Variants in UBR3 observed in about 807,000 individuals in gnomAD.
The protein encoded by UBR3 is E3 ubiquitin-protein ligase UBR3.
In UBR3, 85 loss-of-function variants were observed where a neutral mutation model predicts 243.2. That is an observed-to-expected ratio of 0.35 (90% CI 0.29 to 0.42). UBR3 has a LOEUF of 0.42. UBR3 is among the 10% of genes least tolerant of loss of function. The pLI is 1.00. For missense variants in UBR3, 1,686 were observed against 2,300.8 expected (o/e 0.73, Z 5.47); for synonymous variants, 748 against 799.8 (o/e 0.94, Z 1.09).
intron 23 of UBR3, among the ~76,000 whole-genome samples, chr2:169,951,689 G>T (rs1186406284): frequency 6.6e-6 from 1 of 151,940 alleles, no homozygotes; most frequent in Non-Finnish European, 1.5e-5. Context: ...TTACATGAGG[G>T]TAGATTAGAG....
rs1473625291 is a variant in UBR3, at chr2:170,029,442, A to C, written c.4550A>C (p.Asn1517Thr). 1 of 1,606,378 alleles carries C rather than the reference A, an allele frequency of 6.2e-7. No individual in the cohort carries two copies. Among genetic ancestry groups the C allele is most frequent in the Non-Finnish European group, 8.5e-7 (1 of 1,175,858 alleles). The change falls in exon 31 of 39, where the codon AAT (asparagine) becomes ACT (threonine). Residue 1517 changes from asparagine (N) to threonine (T), a missense_variant. This residue lies in a region of UBR3 where 371 missense variants were observed against 422.5 expected (regional missense o/e 0.88). Coordinates refer to ENST00000272793, the MANE Select transcript of UBR3 (RefSeq NM_172070.4). ...WRKLTQLEEM[N>T]PQLGYEEQQP... ...AAGCTCACCCAGTTAGAAGAGATGA[A>C]TCCACAGTAAGTATAATTGAAAGAC... is the stretch of plus-strand genomic sequence containing the variant.
chr2:169,989,170 G>C (rs1395783420), intron 25 of UBR3, among the ~76,000 whole-genome samples: 1 of 152,096 alleles, frequency 6.6e-6, no homozygotes, highest in East Asian at 1.9e-4. Context: ...AAAAAATTCA[G>C]TGTTTCTGTT....
chr2:170,027,513 A>G (rs1473356872), intron 30 of UBR3, among the ~76,000 whole-genome samples: 3 of 151,734 alleles, frequency 2.0e-5, no homozygotes, highest in Admixed American at 6.6e-5. Flanking sequence ...TGTGGTTTCA[A>G]TGCAAAACAG....
chr2:169,991,244 C>T (rs73017673), intron 25 of UBR3, among the ~76,000 whole-genome samples: 14,789 of 152,084 alleles, frequency 0.097, 858 homozygotes, highest in African/African-American at 0.16. Flanking sequence ...ATAGATACTT[C>T]TAAAATAATA....
intron 35 of UBR3, among the ~76,000 whole-genome samples, chr2:170,069,249 C>T (rs975097449): frequency 1.3e-5 from 2 of 152,028 alleles, no homozygotes; most frequent in Non-Finnish European, 2.9e-5. Context: ...AAGGATAGTA[C>T]ACTATAACCA....
chr2:169,833,735 T>C (rs2082005463), intron 1 of UBR3, among the ~76,000 whole-genome samples: 1 of 152,182 alleles, frequency 6.6e-6, no homozygotes, highest in Admixed American at 6.6e-5. Flanking sequence ...CTTTTAAGGT[T>C]ACTTATGTGT....
At chr2:169,829,814 T>TACACACACACACACACAC (rs10530118) in intron 1 of UBR3, among the ~76,000 whole-genome samples, 1 of 149,116 alleles carries the variant, frequency 6.7e-6, no homozygotes, top group Admixed American at 6.7e-5. Context: ...AGCTAAAAAG[T>TACACACACACACACACAC]ACACACACAC....
At chr2:170,037,419 G>T (rs2090861375) in intron 31 of UBR3, among the ~76,000 whole-genome samples, 1 of 151,556 alleles carries the variant, frequency 6.6e-6, no homozygotes, top group Non-Finnish European at 1.5e-5. Flanking sequence ...ACAGAGTCTT[G>T]CTCTGTTACC....
intron 24 of UBR3, among the ~76,000 whole-genome samples, chr2:169,958,949 A>C (rs1401487776): frequency 6.6e-6 from 1 of 152,142 alleles, no homozygotes; most frequent in Non-Finnish European, 1.5e-5. Context: ...ATTTCCATTA[A>C]GATTAGCATT....
intron 24 of UBR3, among the ~76,000 whole-genome samples, chr2:169,972,060 G>A (rs1053535157): frequency 1.6e-4 from 25 of 152,042 alleles, no homozygotes; most frequent in African/African-American, 4.8e-4. Context: ...TCAAATAGAC[G>A]CAGTAAAAAA....
chr2:169,827,864 C>T lies in UBR3; in HGVS notation c.357C>T (p.Leu119=). The change falls in exon 1 of 39, where the codon CTC becomes CTT. Residue 119 remains leucine (L), a synonymous_variant. Transcript: ENST00000272793. ...TGCGGGCCTACGATCCCGCGGCGCTCTGCGGCCTGGTCTGGACAGCCAACT... is the reference window on the plus strand; with the variant it reads ...TGCGGGCCTACGATCCCGCGGCGCTTTGCGGCCTGGTCTGGACAGCCAACT... ...AAVRAYDPAA[L]CGLVWTANFV... is the part of the protein sequence containing the mutation. The T allele has an allele frequency of 6.6e-7, 1 of 1,506,174 alleles. No individual in the cohort carries two copies. Among genetic ancestry groups the T allele is most frequent in the Non-Finnish European group, 8.8e-7 (1 of 1,132,106 alleles). 93.3% of individuals were successfully genotyped at this position (1,506,174 alleles called of 1,614,324 possible). A position where few individuals can be genotyped will look rare whatever the true frequency, so the allele number is the denominator to read the frequency against.
chr2:170,052,275 C>G (rs1171915933), intron 32 of UBR3, among the ~76,000 whole-genome samples: 1 of 152,072 alleles, frequency 6.6e-6, no homozygotes, highest in Non-Finnish European at 1.5e-5. Context: ...TCTGGGCATC[C>G]TGAAACTGTA....
At chr2:170,074,261 T>G (rs546138133) in intron 36 of UBR3, among the ~76,000 whole-genome samples, 1 of 152,300 alleles carries the variant, frequency 6.6e-6, no homozygotes, top group Non-Finnish European at 1.5e-5. Context: ...TTTTTCTGAT[T>G]GTAAAACTTG....
At position 169,968,246 on chromosome 2, in the gene UBR3, ATAAT is replaced by A. The variant is rs977735707; in HGVS notation, c.3634+9727_3634+9730del. Among the ~76,000 whole-genome samples the A allele has an allele frequency of 1.7e-4, 26 of 152,292 alleles. No individual in the cohort carries two copies. The East Asian group carries it at 2.1e-3, about 12-fold the overall frequency. ...AAATCTTTTAGTTATTTTTAAATACATAATTAATTATTGTTAACTATCGTTACCC... is the reference window on the plus strand; with the variant it reads ...AAATCTTTTAGTTATTTTTAAATACATAATTATTGTTAACTATCGTTACCC... On this transcript the variant is annotated intron_variant, in intron 24 of 38. Coordinates refer to ENST00000272793, the MANE Select transcript of UBR3 (RefSeq NM_172070.4).
intron 30 of UBR3, among the ~76,000 whole-genome samples, chr2:170,028,616 G>T (rs570591927): frequency 8.0e-4 from 120 of 150,152 alleles, no homozygotes; most frequent in Non-Finnish European, 1.3e-3. Flanking sequence ...ATTCTGTGTG[G>T]CAGAATAATT....
intron 1 of UBR3, among the ~76,000 whole-genome samples, chr2:169,854,430 T>A (rs2082766804): frequency 6.6e-6 from 1 of 152,222 alleles, no homozygotes; most frequent in Non-Finnish European, 1.5e-5. Flanking sequence ...TAGGTTTTTG[T>A]AAAGTGGAAC....
chr2:170,013,920 T>C, intron 29 of UBR3: 1 of 470,176 alleles, frequency 2.1e-6, no homozygotes. Context: ...CATGCTGGTC[T>C]CCGCTCGCTT....
chr2:169,841,652 G>T (rs1337179911), intron 1 of UBR3, among the ~76,000 whole-genome samples: 1 of 152,198 alleles, frequency 6.6e-6, no homozygotes, highest in Non-Finnish European at 1.5e-5. Flanking sequence ...TGCTGGCCCC[G>T]GGCAATGGGG....
rs115140012 is a variant in UBR3, at chr2:169,835,227, C to T, written c.545+7175C>T. 3.0e-3 allele frequency among the ~76,000 whole-genome samples: 458 copies of T among 152,100 alleles called. 2 individuals are homozygous for T. Among genetic ancestry groups the T allele is most frequent in the African/African-American group, 0.011 (438 of 41,492 alleles). ...AAAAATAATGTCAGGTATGGTGGCT[C>T]GCACCTGTAGTCCCAGCTACTCCCG... is the stretch of plus-strand genomic sequence containing the variant. On this transcript the variant is annotated intron_variant, in intron 1 of 38. Transcript: ENST00000272793.
Sources: gnomAD v4.1 joint callset for allele counts (sites outside exome capture counted in the v4.1 genomes callset) on GRCh38, gnomAD v4.1.1 for gene constraint, gnomAD v4.1.1 regional missense constraint, MANE v1.5 for transcripts, NCBI Gene and HGNC (gene_info 2026-07-23, HGNC 2026-07-21) for gene names.